Variants in DNAJC1 observed in about 807,000 individuals in gnomAD.
DNAJC1 encodes dnaJ homolog subfamily C member 1.
DNAJC1 carries 58 observed loss-of-function variants against 76.6 expected under a neutral mutation model. That is an observed-to-expected ratio of 0.76 (90% CI 0.61 to 0.94). The LOEUF is 0.94. DNAJC1 is among the 40% of genes least tolerant of loss of function. DNAJC1 has a pLI of 0.00. For missense variants in DNAJC1, 689 were observed against 677.3 expected (o/e 1.02, Z -0.19); for synonymous variants, 258 against 267.9 (o/e 0.96, Z 0.36).
intron 9 of DNAJC1, among the ~76,000 whole-genome samples, chr10:21,778,242 G>A (rs1347111528): frequency 6.6e-6 from 1 of 152,100 alleles, no homozygotes; most frequent in Non-Finnish European, 1.5e-5. Flanking sequence ...ACTGACTGAA[G>A]CTCAGAGCAA....
intron 8 of DNAJC1, among the ~76,000 whole-genome samples, chr10:21,867,855 T>C (rs1836030436): frequency 6.6e-6 from 1 of 151,850 alleles, no homozygotes; most frequent in Admixed American, 6.6e-5. Flanking sequence ...GCAGATCACC[T>C]GAGGTCAGGA....
chr10:21,841,169 A>T (rs1467947875), intron 8 of DNAJC1, among the ~76,000 whole-genome samples: 2 of 152,220 alleles, frequency 1.3e-5, no homozygotes, highest in Admixed American at 6.5e-5. Flanking sequence ...AACCTAGGCA[A>T]TACCATTCAG....
chr10:21,892,852 T>C (rs988840020), intron 7 of DNAJC1, among the ~76,000 whole-genome samples: 4 of 150,994 alleles, frequency 2.6e-5, no homozygotes, highest in Admixed American at 2.6e-4. Context: ...CCTAAATGTG[T>C]GTGCACCAAA....
intron 8 of DNAJC1, among the ~76,000 whole-genome samples, chr10:21,839,852 G>T (rs1463293564): frequency 6.6e-6 from 1 of 152,188 alleles, no homozygotes; most frequent in South Asian, 2.1e-4. Context: ...AAAATCCTCA[G>T]TAACATACTG....
chr10:21,976,618 T>C (rs1321466441), intron 1 of DNAJC1, among the ~76,000 whole-genome samples: 3 of 152,206 alleles, frequency 2.0e-5, no homozygotes, highest in Non-Finnish European at 2.9e-5. Context: ...TTAAAAGGAA[T>C]ATGTACATAC....
chr10:21,988,911 C>T (rs898626078), intron 1 of DNAJC1, among the ~76,000 whole-genome samples: 1 of 152,204 alleles, frequency 6.6e-6, no homozygotes. Context: ...TAAATAGTTT[C>T]ACGACAGTTC....
intron 8 of DNAJC1, among the ~76,000 whole-genome samples, chr10:21,843,392 CTT>C (rs34760207): frequency 1.3e-4 from 18 of 134,410 alleles, no homozygotes; most frequent in Non-Finnish European, 1.1e-4. Context: ...AGAGGTTTCC[CTT>C]TTTTTTTTTT....
At chr10:21,783,789 CA>C (rs1369385779) in intron 9 of DNAJC1, among the ~76,000 whole-genome samples, 2 of 152,110 alleles carry the variant, frequency 1.3e-5, no homozygotes, top group Admixed American at 6.6e-5. Context: ...CTGACAAAAA[CA>C]AGAAATGGGG....
At chr10:21,911,595 A>G (rs1836864942) in intron 6 of DNAJC1, among the ~76,000 whole-genome samples, 1 of 152,184 alleles carries the variant, frequency 6.6e-6, no homozygotes, top group African/African-American at 2.4e-5. Flanking sequence ...TGCACAGCCT[A>G]AAAACTATTT....
intron 1 of DNAJC1, among the ~76,000 whole-genome samples, chr10:21,951,606 T>C (rs1354116668): frequency 6.6e-6 from 1 of 151,498 alleles, no homozygotes; most frequent in African/African-American, 2.4e-5. Flanking sequence ...AAATGGAAAA[T>C]ATCAGTTTCC....
chr10:21,866,638 A>C (rs1346792005), intron 8 of DNAJC1, among the ~76,000 whole-genome samples: 1 of 152,120 alleles, frequency 6.6e-6, no homozygotes, highest in Non-Finnish European at 1.5e-5. Flanking sequence ...AAGCAACCCC[A>C]AACTAATAAT....
intron 1 of DNAJC1, among the ~76,000 whole-genome samples, chr10:21,975,372 C>T (rs1306726647): frequency 6.6e-6 from 1 of 151,920 alleles, no homozygotes; most frequent in African/African-American, 2.4e-5. Context: ...ACCAAAATCA[C>T]AGACTAAGGA....
intron 1 of DNAJC1, among the ~76,000 whole-genome samples, chr10:21,973,589 T>A (rs944285763): frequency 6.6e-6 from 1 of 152,164 alleles, no homozygotes; most frequent in Non-Finnish European, 1.5e-5. Context: ...TCAGTATTCC[T>A]CAAATATGCA....
intron 4 of DNAJC1, 137 bp downstream of exon 4, chr10:21,920,661 C>A (rs1176758070): frequency 3.6e-5 from 25 of 690,764 alleles, no homozygotes; most frequent in Non-Finnish European, 5.3e-5. Context: ...AGAAATATGT[C>A]AAACATTGAG....
At chr10:21,880,318 C>T (rs1836254060) in intron 8 of DNAJC1, among the ~76,000 whole-genome samples, 1 of 152,156 alleles carries the variant, frequency 6.6e-6, no homozygotes, top group Non-Finnish European at 1.5e-5. Flanking sequence ...AATATTTTGA[C>T]CTCTTCCCAT....
intron 8 of DNAJC1, among the ~76,000 whole-genome samples, chr10:21,858,044 T>C (rs937309879): frequency 2.6e-5 from 4 of 152,358 alleles, no homozygotes; most frequent in African/African-American, 7.2e-5. Context: ...ATTAAAAGTA[T>C]TGGTATTTGA....
intron 7 of DNAJC1, 61 bp from the exon 8 acceptor site, chr10:21,882,500 C>T: frequency 1.8e-6 from 2 of 1,086,954 alleles, no homozygotes; most frequent in South Asian, 1.9e-5. Flanking sequence ...TAATTTCTAA[C>T]ATTTTATTCA....
intron 8 of DNAJC1, among the ~76,000 whole-genome samples, chr10:21,846,945 A>C (rs1225992194): frequency 6.6e-6 from 1 of 151,730 alleles, no homozygotes; most frequent in Admixed American, 6.6e-5. Context: ...ATAACTAAGA[A>C]TCCTGCTTGA....
At chr10:21,784,684 A>G (rs1187506278) in intron 9 of DNAJC1, among the ~76,000 whole-genome samples, 1 of 152,254 alleles carries the variant, frequency 6.6e-6, no homozygotes, top group Non-Finnish European at 1.5e-5. Flanking sequence ...GATCAAGAAA[A>G]TGTGGCACAT....
Sources: gnomAD v4.1 joint callset for allele counts (sites outside exome capture counted in the v4.1 genomes callset) on GRCh38, gnomAD v4.1.1 for gene constraint, MANE v1.5 for transcripts, NCBI Gene and HGNC (gene_info 2026-07-23, HGNC 2026-07-21) for gene names.